Variants in RABGAP1L observed in about 807,000 individuals in gnomAD.
RABGAP1L encodes the protein rab GTPase-activating protein 1-like.
Under a neutral mutation model 137.7 loss-of-function variants are expected in RABGAP1L, and 63 were observed. The ratio of observed to expected loss-of-function variants is 0.46; its 90% CI spans 0.37 to 0.56. The LOEUF (loss-of-function observed/expected upper bound fraction) is 0.56. RABGAP1L is among the 20% of genes least tolerant of loss of function. The pLI is 0.00. For synonymous variants in RABGAP1L, 431 were observed against 433.7 expected (o/e 0.99, Z 0.08); for missense variants, 1,095 against 1,244.0 (o/e 0.88, Z 1.80).
chr1:174,775,807 G>C (rs147103956), intron 18 of RABGAP1L, among the ~76,000 whole-genome samples: 143 of 152,176 alleles, frequency 9.4e-4, no homozygotes, highest in African/African-American at 3.1e-3. Context: ...TGATTTTCAG[G>C]TCTGTGATGG....
chr1:174,164,428 A>G (rs1664748915), intron 1 of RABGAP1L, among the ~76,000 whole-genome samples: 1 of 152,206 alleles, frequency 6.6e-6, no homozygotes. Context: ...TAAAAAATAC[A>G]TTTTACTACT....
chr1:174,539,702 T>A (rs1476078014), intron 13 of RABGAP1L, among the ~76,000 whole-genome samples: 1 of 152,212 alleles, frequency 6.6e-6, no homozygotes, highest in African/African-American at 2.4e-5. Context: ...TTGATGGACA[T>A]TTGGGTTGGT....
intron 11 of RABGAP1L, among the ~76,000 whole-genome samples, chr1:174,358,136 C>T (rs1054168004): frequency 1.3e-5 from 2 of 151,342 alleles, no homozygotes; most frequent in African/African-American, 4.8e-5. Flanking sequence ...AAAAGGAATT[C>T]GAGGAAAAGA....
At chr1:174,491,428 C>T (rs1242583672) in intron 13 of RABGAP1L, among the ~76,000 whole-genome samples, 2 of 151,978 alleles carry the variant, frequency 1.3e-5, no homozygotes, top group African/African-American at 4.8e-5. Context: ...CCTACTGTGG[C>T]TGAGCTGGTA....
chr1:174,666,268 G>A lies in RABGAP1L; in HGVS notation c.1825-17254G>A, dbSNP rs530235924. 2.6e-5 allele frequency among the ~76,000 whole-genome samples: 4 copies of A among 152,344 alleles called. No individual in the cohort carries two copies. The East Asian group carries it at 7.7e-4, about 29-fold the overall frequency. The stretch of plus-strand genomic sequence containing the variant: ...GTGTTTTAGCCTCATGTTGGTAGAA[G>A]TTCTTTGTAGGTTATAGATGAAACA... On this transcript the variant is annotated intron_variant, in intron 14 of 25. Transcript: ENST00000681986.
chr1:174,699,094 AGC>A (rs1679465007), intron 15 of RABGAP1L, among the ~76,000 whole-genome samples: 1 of 151,968 alleles, frequency 6.6e-6, no homozygotes, highest in Non-Finnish European at 1.5e-5. Context: ...CCCAGGCTCA[AGC>A]GATCCTTCCA....
intron 13 of RABGAP1L, among the ~76,000 whole-genome samples, chr1:174,447,167 G>A (rs569630884): frequency 6.6e-6 from 1 of 152,158 alleles, no homozygotes; most frequent in Non-Finnish European, 1.5e-5. Context: ...TTACGTTGCT[G>A]TTAGTACCAC....
chr1:174,661,862 G>A (rs1676395811), intron 14 of RABGAP1L, among the ~76,000 whole-genome samples: 3 of 152,108 alleles, frequency 2.0e-5, no homozygotes, highest in Admixed American at 1.3e-4. Context: ...ACCTATTTGT[G>A]TTGATGCTGG....
chr1:174,282,667 T>TC (rs1412472484), intron 10 of RABGAP1L, among the ~76,000 whole-genome samples: 1 of 152,170 alleles, frequency 6.6e-6, no homozygotes, highest in Non-Finnish European at 1.5e-5. Flanking sequence ...TTTTTTTGTG[T>TC]CCTATCTAAG....
chr1:174,238,492 G>C (rs1302645871), intron 4 of RABGAP1L, among the ~76,000 whole-genome samples: 1 of 152,112 alleles, frequency 6.6e-6, no homozygotes, highest in Non-Finnish European at 1.5e-5. Flanking sequence ...TAATAGACAG[G>C]ACCCTCAGCT....
intron 13 of RABGAP1L, among the ~76,000 whole-genome samples, chr1:174,590,181 A>G (rs1298589873): frequency 9.1e-6 from 1 of 110,304 alleles, no homozygotes; most frequent in Admixed American, 1.2e-4. Context: ...TTTATTTATA[A>G]ATTACCATGT....
intron 16 of RABGAP1L, among the ~76,000 whole-genome samples, chr1:174,701,517 A>G (rs1420759384): frequency 6.6e-6 from 1 of 152,052 alleles, no homozygotes; most frequent in African/African-American, 2.4e-5. Flanking sequence ...CAAGTCGGGC[A>G]GATCACTTGA....
intron 17 of RABGAP1L, among the ~76,000 whole-genome samples, chr1:174,730,278 A>G (rs969824831): frequency 6.6e-6 from 1 of 152,192 alleles, no homozygotes; most frequent in Admixed American, 6.5e-5. Context: ...TAAAGATAGC[A>G]ACAATAGACA....
chr1:174,251,747 T>C (rs1672732290), intron 6 of RABGAP1L, among the ~76,000 whole-genome samples: 1 of 152,214 alleles, frequency 6.6e-6, no homozygotes, highest in African/African-American at 2.4e-5. Context: ...TCTAAAAGTA[T>C]GCTCTTCTCA....
intron 11 of RABGAP1L, among the ~76,000 whole-genome samples, chr1:174,368,720 T>A (rs1222492317): frequency 6.6e-6 from 1 of 152,172 alleles, no homozygotes; most frequent in Non-Finnish European, 1.5e-5. Context: ...ATTTTTTTGC[T>A]TTTAAAAAAT....
intron 13 of RABGAP1L, among the ~76,000 whole-genome samples, chr1:174,527,526 A>T (rs1184903251): frequency 6.6e-6 from 1 of 152,130 alleles, no homozygotes; most frequent in Non-Finnish European, 1.5e-5. Context: ...GTTTTTACAA[A>T]TTTATTGAGA....
At chr1:174,484,778 C>T (rs548013278) in intron 13 of RABGAP1L, among the ~76,000 whole-genome samples, 1 of 152,082 alleles carries the variant, frequency 6.6e-6, no homozygotes, top group African/African-American at 2.4e-5. Flanking sequence ...AATTTGAAGT[C>T]AGTAATGTGA....
At chr1:174,179,385 A>T (rs927430424) in intron 1 of RABGAP1L, among the ~76,000 whole-genome samples, 13 of 152,226 alleles carry the variant, frequency 8.5e-5, no homozygotes, top group African/African-American at 2.9e-4. Context: ...CACTCAAACA[A>T]TTGCACAAGT....
chr1:174,758,768 A>T (rs1016820365), intron 18 of RABGAP1L, among the ~76,000 whole-genome samples: 5 of 152,174 alleles, frequency 3.3e-5, no homozygotes, highest in Non-Finnish European at 5.9e-5. Context: ...TGTGGACTGA[A>T]CATGTCGGCT....
Sources: allele counts gnomAD v4.1 joint callset (sites outside exome capture counted in the v4.1 genomes callset), GRCh38; gene constraint gnomAD v4.1.1; transcripts MANE v1.5; gene names NCBI Gene and HGNC (gene_info 2026-07-23, HGNC 2026-07-21).